Variants in PPFIBP2 observed in about 807,000 individuals in gnomAD.
PPFIBP2 encodes the protein liprin-beta-2.
Under a neutral mutation model 118.3 loss-of-function variants are expected in PPFIBP2, and 118 were observed. That is an observed-to-expected ratio of 1.00 (90% CI 0.86 to 1.16). The LOEUF (loss-of-function observed/expected upper bound fraction) is 1.16. PPFIBP2 is among the 50% of genes most tolerant of loss of function. PPFIBP2 has a pLI of 0.00. For missense variants in PPFIBP2, 1,195 were observed against 1,073.1 expected, an observed-to-expected ratio of 1.11 and a Z score of -1.59; for synonymous variants, 414 against 397.4, an observed-to-expected ratio of 1.04 and a Z score of -0.50.
chr11:7,567,176 A>G (rs1371713658), intron 3 of PPFIBP2, among the ~76,000 whole-genome samples: 1 of 152,170 alleles, frequency 6.6e-6, no homozygotes, highest in Non-Finnish European at 1.5e-5. Flanking sequence ...ACCTCAGAAC[A>G]GATAACTGTT....
chr11:7,602,007 C>T lies in PPFIBP2; in HGVS notation c.486+4334C>T, dbSNP rs1180069108. 2.7e-5 allele frequency among the ~76,000 whole-genome samples: 4 copies of T among 148,050 alleles called. No homozygotes were observed. The East Asian group carries it at 6.0e-4, about 22-fold the overall frequency. Reference sequence around the variant, plus strand: ...ACTTGGGAGGCTGAGTCAGGAGAATCGCTGGAACCCGAGAGACGGAGGTTG... The same window carrying T: ...ACTTGGGAGGCTGAGTCAGGAGAATTGCTGGAACCCGAGAGACGGAGGTTG... On this transcript the variant is annotated intron_variant, in intron 5 of 23. Coordinates refer to ENST00000299492, the MANE Select transcript of PPFIBP2 (RefSeq NM_003621.5).
At chr11:7,575,655 A>G (rs1037640604) in intron 3 of PPFIBP2, among the ~76,000 whole-genome samples, 1 of 152,212 alleles carries the variant, frequency 6.6e-6, no homozygotes, top group Non-Finnish European at 1.5e-5. Flanking sequence ...CAGGGCATGA[A>G]GTTTTTCATT....
chr11:7,645,194 G>A (rs1008509058), intron 17 of PPFIBP2, among the ~76,000 whole-genome samples: 3 of 152,136 alleles, frequency 2.0e-5, no homozygotes, highest in African/African-American at 7.2e-5. Flanking sequence ...AGGGGAAGTT[G>A]ACCTGGGGAT....
rs928950670 is a variant in PPFIBP2, at chr11:7,609,325, A to G, written c.487-966A>G. ...TATTTTCCTTCTGTTCATTTGGCCC[A>G]TTGCTTTCCTGGTTGCTGTGTCTAT... is the stretch of plus-strand genomic sequence containing the variant. On this transcript the variant is annotated intron_variant, in intron 5 of 23. Coordinates refer to ENST00000299492, the MANE Select transcript of PPFIBP2 (RefSeq NM_003621.5). 2.0e-5 allele frequency among the ~76,000 whole-genome samples: 3 copies of G among 152,042 alleles called. No homozygotes were observed. The East Asian group carries it at 5.8e-4, about 29-fold the overall frequency.
chr11:7,638,381 T>C (rs551658283), intron 14 of PPFIBP2, among the ~76,000 whole-genome samples: 1 of 152,350 alleles, frequency 6.6e-6, no homozygotes, highest in East Asian at 1.9e-4. Context: ...TCTAGTTACT[T>C]CTACTCCACC....
At chr11:7,654,654 C>T (rs980683962), downstream of PPFIBP2, among the ~76,000 whole-genome samples, 10 of 152,374 alleles carry the variant, frequency 6.6e-5, no homozygotes, top group Admixed American at 5.2e-4. Context: ...CACTGGATGA[C>T]AAGTGCTCAT....
intron 1 of PPFIBP2, among the ~76,000 whole-genome samples, chr11:7,545,118 C>A (rs1034994866): frequency 2.0e-5 from 3 of 152,066 alleles, no homozygotes; most frequent in Non-Finnish European, 4.4e-5. Flanking sequence ...CCCAAGGTAC[C>A]GTCCAGTAAG....
intron 6 of PPFIBP2, among the ~76,000 whole-genome samples, chr11:7,618,263 G>C (rs865903721): frequency 6.6e-6 from 1 of 152,158 alleles, no homozygotes. Flanking sequence ...GGGTGTTGGC[G>C]CATGACCTAT....
At chr11:7,621,480 A>T (rs781607695) in intron 7 of PPFIBP2, among the ~76,000 whole-genome samples, 28 of 152,324 alleles carry the variant, frequency 1.8e-4, no homozygotes, top group Non-Finnish European at 3.7e-4. Flanking sequence ...TAAACTTCGA[A>T]TTATTTCTTC....
chr11:7,631,842 TG>T (rs1470731953), intron 11 of PPFIBP2, among the ~76,000 whole-genome samples: 3 of 152,210 alleles, frequency 2.0e-5, no homozygotes, highest in Non-Finnish European at 4.4e-5. Flanking sequence ...TACCTCCACG[TG>T]GTCACTGTGA....
intron 3 of PPFIBP2, among the ~76,000 whole-genome samples, chr11:7,572,750 CTA>C (rs1216835494): frequency 1.3e-5 from 2 of 152,162 alleles, no homozygotes; most frequent in African/African-American, 2.4e-5. Context: ...GTTTAGTAAT[CTA>C]TGTTTCGAAG....
intron 1 of PPFIBP2, among the ~76,000 whole-genome samples, chr11:7,520,128 T>G (rs952261433): frequency 1.3e-5 from 2 of 152,190 alleles, no homozygotes; most frequent in African/African-American, 4.8e-5. Flanking sequence ...CGAGGCGGTA[T>G]GGCGCAACAT....
rs903489789 is a variant in PPFIBP2 at position 7,653,507 on chromosome 11, G to C, written c.*289G>C. ...TTCTTGATGTTCATCTTCAGCACCA[G>C]TGGAAACACATGAACTTCGATGCAG... On this transcript the variant is annotated 3_prime_UTR_variant, in exon 24 of 24. Transcript: ENST00000299492. The C allele has an allele frequency of 7.2e-7, 1 of 1,383,034 alleles. No homozygotes were observed. The highest frequency in any genetic ancestry group is 2.2e-5 in the Admixed American group (1 of 46,226). The allele number at this position is 1,383,034 out of a possible 1,614,324, so 85.7% of individuals were successfully genotyped here.
intron 5 of PPFIBP2, among the ~76,000 whole-genome samples, chr11:7,609,460 A>G (rs1847803744): frequency 6.6e-6 from 1 of 152,150 alleles, no homozygotes; most frequent in Non-Finnish European, 1.5e-5. Flanking sequence ...GACTTTAGGA[A>G]ATGCTCCTGA....
chr11:7,613,061 A>G (rs906515968), intron 6 of PPFIBP2, among the ~76,000 whole-genome samples: 4 of 151,986 alleles, frequency 2.6e-5, no homozygotes, highest in Non-Finnish European at 1.5e-5. Context: ...CTAAGGGCTC[A>G]TTGTGTGTGG....
intron 2 of PPFIBP2, among the ~76,000 whole-genome samples, chr11:7,557,832 G>A (rs1469478508): frequency 6.6e-6 from 1 of 152,072 alleles, no homozygotes; most frequent in African/African-American, 2.4e-5. Flanking sequence ...GAACTCTCAG[G>A]TTTTGCTATT....
At chr11:7,621,180 C>G (rs1849309123) in intron 7 of PPFIBP2, among the ~76,000 whole-genome samples, 153 bp downstream of exon 7, 3 of 152,116 alleles carry the variant, frequency 2.0e-5, no homozygotes, top group Non-Finnish European at 4.4e-5. Flanking sequence ...GTGCAGTAGA[C>G]AGACTTGATC....
intron 1 of PPFIBP2, among the ~76,000 whole-genome samples, chr11:7,536,768 G>A (rs1044431336): frequency 2.6e-5 from 4 of 152,184 alleles, no homozygotes; most frequent in Non-Finnish European, 5.9e-5. Context: ...GGCAGAGGGA[G>A]AGTGAGCGTA....
intron 3 of PPFIBP2, chr11:7,576,985 T>A (rs369526015): frequency 0.021 from 3,200 of 152,476 alleles, 40 homozygotes; most frequent in Middle Eastern, 0.037. Flanking sequence ...GAGCAGCACT[T>A]ATTTTTAGTC....
Sources: gnomAD v4.1 joint callset for allele counts (sites outside exome capture counted in the v4.1 genomes callset) on GRCh38, gnomAD v4.1.1 for gene constraint, MANE v1.5 for transcripts, NCBI Gene and HGNC (gene_info 2026-07-23, HGNC 2026-07-21) for gene names.